Variants in KDM6A observed in about 807,000 individuals in gnomAD.
KDM6A encodes the protein lysine demethylase 6A, also known as lysine-specific demethylase 6A.
KDM6A carries 11 observed loss-of-function variants against 117.6 expected under a neutral mutation model. The ratio of observed to expected loss-of-function variants is 0.09; its 90% confidence interval spans 0.06 to 0.15. The LOEUF is 0.15. Among genes scored for constraint, KDM6A ranks in the 10% least tolerant of loss-of-function variants. The probability of loss-of-function intolerance (pLI) is 1.00; values close to 1 mark genes in which losing one functional copy is unlikely to be tolerated. For missense variants in KDM6A, 799 were observed against 1,077.3 expected (o/e 0.74, Z 3.62); for synonymous variants, 384 against 396.1 (o/e 0.97, Z 0.36).
chrX:45,100,337 C>T (rs113122633), intron 27 of KDM6A, among the ~76,000 whole-genome samples: 4,547 of 111,174 alleles, frequency 0.041, 84 homozygotes, highest in Middle Eastern at 0.084. Context: ...AAGCCGACCC[C>T]CAGCAAATAT....
chrX:45,061,449 A>G (rs372284428), intron 15 of KDM6A, 30 bp downstream of exon 15: 3 of 669,812 alleles, frequency 4.5e-6, no homozygotes, highest in South Asian at 2.4e-5. Context: ...CAAATTGTTT[A>G]TTAAAAAGGA....
chrX:44,957,670 C>T (rs1489892931), intron 2 of KDM6A, among the ~76,000 whole-genome samples: 7 of 110,931 alleles, frequency 6.3e-5, no homozygotes. Flanking sequence ...TGTTTTTTTC[C>T]CTAGTAGGTA....
In KDM6A at chrX:45,027,575, G is replaced by T. The variant is rs765356503; in HGVS notation, c.564+6845G>T. ...GGGATTAGAAAAGTCCTATCCCCTT[G>T]CCACCCCCAACAGCTTGGAATAATT... On this transcript the variant is annotated intron_variant, in intron 6 of 29. Transcript: ENST00000611820. Among the ~76,000 whole-genome samples, 252 of 110,720 alleles carry T rather than the reference G, an allele frequency of 2.3e-3. 2 individuals carry two copies. The highest frequency in any genetic ancestry group is 8.0e-3 in the African/African-American group (244 of 30,419).
At chrX:44,933,647 G>A (rs1000087004) in intron 2 of KDM6A, among the ~76,000 whole-genome samples, 7 of 110,224 alleles carry the variant, frequency 6.4e-5, no homozygotes, top group South Asian at 3.9e-4. Flanking sequence ...ATGCAATCTC[G>A]GCTCACTGCA....
At chrX:44,944,196 A>G (rs959856048) in intron 2 of KDM6A, among the ~76,000 whole-genome samples, 1 of 110,314 alleles carries the variant, frequency 9.1e-6, no homozygotes, top group African/African-American at 3.3e-5. Flanking sequence ...TACTAAAAGT[A>G]CAAAAATTAG....
At chrX:45,033,758 G>A (rs1036388114) in intron 6 of KDM6A, among the ~76,000 whole-genome samples, 12 of 109,518 alleles carry the variant, frequency 1.1e-4, no homozygotes, top group African/African-American at 4.0e-4. Context: ...TCAGTATATT[G>A]GTCAGGCTGG....
chrX:45,076,360 T>C (rs932081424), intron 18 of KDM6A, among the ~76,000 whole-genome samples: 1 of 111,564 alleles, frequency 9.0e-6, no homozygotes, highest in Non-Finnish European at 1.9e-5. Flanking sequence ...TTAACATTGA[T>C]GGAAAAGAAT....
intron 2 of KDM6A, among the ~76,000 whole-genome samples, chrX:44,879,296 A>T (rs2032012650): frequency 8.9e-6 from 1 of 112,326 alleles, no homozygotes; most frequent in South Asian, 3.6e-4. Context: ...GACTGCTAAC[A>T]CTGCATTATT....
At chrX:45,060,217 G>A in intron 13 of KDM6A, 61 bp downstream of exon 13, 1 of 1,201,227 alleles carries the variant, frequency 8.3e-7, no homozygotes, top group Non-Finnish European at 1.1e-6. Flanking sequence ...CAATTCTCTA[G>A]TGGTCAAGCT....
At chrX:44,907,610 G>C (rs139485393) in intron 2 of KDM6A, among the ~76,000 whole-genome samples, 299 of 107,854 alleles carry the variant, frequency 2.8e-3, no homozygotes, top group African/African-American at 9.5e-3. Context: ...AGCTTCTAGA[G>C]TAGCATGTAT....
intron 2 of KDM6A, among the ~76,000 whole-genome samples, chrX:44,953,862 G>C (rs1432907456): frequency 9.0e-6 from 1 of 110,566 alleles, no homozygotes; most frequent in African/African-American, 3.3e-5. Flanking sequence ...TTTGAGACCC[G>C]CCTGGCCAGC....
chrX:45,078,251 T>C, intron 19 of KDM6A, 149 bp from the exon 20 acceptor site: 1 of 513,570 alleles, frequency 1.9e-6, no homozygotes, highest in South Asian at 4.1e-5. Context: ...GAATCAAAAG[T>C]CACAGTGATA....
At chrX:45,022,850 A>G (rs917074505) in intron 6 of KDM6A, among the ~76,000 whole-genome samples, 3 of 111,728 alleles carry the variant, frequency 2.7e-5, no homozygotes, top group African/African-American at 9.8e-5. Context: ...AGCCTTCAGG[A>G]TTGGTTGATT....
chrX:44,933,660 C>G (rs1293365811), intron 2 of KDM6A, among the ~76,000 whole-genome samples: 1 of 110,953 alleles, frequency 9.0e-6, no homozygotes. Flanking sequence ...TCACTGCAAC[C>G]TCTGCCTTCT....
rs563809737 is a variant in KDM6A, at chrX:45,102,888, C to T, written c.4035-4522C>T. ...TTGACATTCATATACCCACTATTGT[C>T]CTAGGAGAACACAACCCTGGAGTGA... is the stretch of plus-strand genomic sequence containing the variant. On this transcript the variant is annotated intron_variant, in intron 27 of 29. Coordinates refer to ENST00000611820, the MANE Select transcript of KDM6A (RefSeq NM_001291415.2). Among the ~76,000 whole-genome samples, 6 of 110,561 alleles carry T rather than the reference C, an allele frequency of 5.4e-5. No homozygotes were observed. In the South Asian group the frequency reaches 2.4e-3, roughly 43 times the overall value.
chrX:45,097,691 A>T (rs1305989303), intron 27 of KDM6A, among the ~76,000 whole-genome samples: 1 of 111,692 alleles, frequency 9.0e-6, no homozygotes, highest in Non-Finnish European at 1.9e-5. Context: ...TTTGAGAATA[A>T]ATCGCCTGTA....
chrX:44,963,731 C>T (rs1482906832), intron 3 of KDM6A, among the ~76,000 whole-genome samples: 1 of 109,816 alleles, frequency 9.1e-6, no homozygotes, highest in Non-Finnish European at 1.9e-5. Flanking sequence ...CTGCTAATGT[C>T]GGTATTTAGA....
chrX:45,071,660 C>CT (rs1410970742), intron 18 of KDM6A, among the ~76,000 whole-genome samples: 11 of 111,553 alleles, frequency 9.9e-5, no homozygotes, highest in Non-Finnish European at 1.3e-4. Context: ...GACACTAGAA[C>CT]TTTACTATAA....
chrX:45,106,362 A>C (rs1021143083), intron 27 of KDM6A, among the ~76,000 whole-genome samples: 1 of 111,807 alleles, frequency 8.9e-6, no homozygotes, highest in Non-Finnish European at 1.9e-5. Context: ...AAGAAATATA[A>C]AATAAGGTAT....
Sources: allele counts gnomAD v4.1 joint callset (sites outside exome capture counted in the v4.1 genomes callset), GRCh38; gene constraint gnomAD v4.1.1; transcripts MANE v1.5; gene names NCBI Gene and HGNC (gene_info 2026-07-23, HGNC 2026-07-21).